The following ANAPC1 variants were observed in gnomAD, a reference collection of about 807,000 sequenced individuals.
ANAPC1 encodes anaphase-promoting complex subunit 1.
In ANAPC1, 36 loss-of-function variants were observed where a neutral mutation model predicts 208.0. The ratio of observed to expected loss-of-function variants is 0.17; its 90% CI spans 0.13 to 0.23. The LOEUF is 0.23. Among genes scored for constraint, ANAPC1 ranks in the 10% least tolerant of loss-of-function variants. The probability of loss-of-function intolerance (pLI) is 1.00; values close to 1 mark genes in which losing one functional copy is unlikely to be tolerated. For missense variants in ANAPC1, 942 were observed against 2,011.6 expected (o/e 0.47, Z 10.17); for synonymous variants, 378 against 695.2 (o/e 0.54, Z 7.18).
chr2:111,862,926 C>G (rs1682157706), intron 9 of ANAPC1, among the ~76,000 whole-genome samples: 1 of 151,710 alleles, frequency 6.6e-6, no homozygotes, highest in African/African-American at 2.4e-5. Flanking sequence ...TATTTATCAA[C>G]AAAACAATGT....
rs543076649 is a variant in ANAPC1, at chr2:111,797,742, T to C, written c.4297-2848A>G. 2.7e-3 allele frequency among the ~76,000 whole-genome samples: 393 copies of C among 144,890 alleles called. 4 individuals are homozygous for C. Among genetic ancestry groups the C allele is most frequent in the African/African-American group, 9.2e-3 (357 of 38,898 alleles). On this transcript the variant is annotated intron_variant, in intron 34 of 47. Coordinates refer to ENST00000341068, the MANE Select transcript of ANAPC1 (RefSeq NM_022662.4). ...GTAAATACCAGCAACTACTGATCTATGCATTTGTAACAAAAAACAGCTACA... is the reference window on the plus strand; with the variant it reads ...GTAAATACCAGCAACTACTGATCTACGCATTTGTAACAAAAAACAGCTACA...
chr2:111,874,892 G>A (rs1429545067), intron 3 of ANAPC1, among the ~76,000 whole-genome samples: 3 of 152,122 alleles, frequency 2.0e-5, no homozygotes, highest in Admixed American at 6.5e-5. Context: ...ATTCTAGCTC[G>A]CAGCAGCCTA....
At chr2:111,821,622 C>T in intron 25 of ANAPC1, 169 bp from the exon 26 acceptor site, 1 of 588,914 alleles carries the variant, frequency 1.7e-6, no homozygotes, top group Non-Finnish European at 3.0e-6. Flanking sequence ...CTCTAATCTA[C>T]AAATCTTTCT....
chr2:111,772,379 A>C lies in ANAPC1; in HGVS notation c.5681T>G (p.Val1894Gly). Residue 1894 changes from valine to glycine, a missense_variant, in exon 47 of 48, where the codon GTG (valine) becomes GGG (glycine). Val to Gly is a moderately radical substitution (Grantham distance 109). Coordinates refer to ENST00000341068, the MANE Select transcript of ANAPC1 (RefSeq NM_022662.4). ...AGGTGGCAGGTGCTGTGGAGCTGGC[A>C]CAGAGTGGTAGACGAGGAAGCAGGC... ...MLACFLVYHS[V>G]PAPQHLPPIG... 1 of 1,609,788 alleles carries C rather than the reference A, an allele frequency of 6.2e-7. No individual in the cohort carries two copies. Among genetic ancestry groups the C allele is most frequent in the South Asian group, 1.1e-5 (1 of 90,282 alleles).
At chr2:111,871,998 G>C (rs2311815) in intron 6 of ANAPC1, among the ~76,000 whole-genome samples, 2 of 152,274 alleles carry the variant, frequency 1.3e-5, no homozygotes, top group African/African-American at 2.4e-5. Flanking sequence ...TCACTTGCCT[G>C]ATTGCTCTGG....
At chr2:111,823,394 T>C (rs66739581) in intron 24 of ANAPC1, among the ~76,000 whole-genome samples, 33,759 of 151,786 alleles carry the variant, frequency 0.22, 3,966 homozygotes, top group Middle Eastern at 0.38. Context: ...TTGGTATGTA[T>C]AGGTCAATCC....
At chr2:111,867,702 AAAC>A (rs537712261) in intron 7 of ANAPC1, among the ~76,000 whole-genome samples, 6,681 of 144,148 alleles carry the variant, frequency 0.046, 208 homozygotes, top group Non-Finnish European at 0.066. Context: ...AAAAAAAAAA[AAAC>A]CCAAAACAAC....
chr2:111,835,449 G>C (rs775171658), intron 18 of ANAPC1, among the ~76,000 whole-genome samples: 1 of 152,148 alleles, frequency 6.6e-6, no homozygotes, highest in Non-Finnish European at 1.5e-5. Flanking sequence ...GCTATTTCCA[G>C]ATCTTGGAAT....
intron 24 of ANAPC1, among the ~76,000 whole-genome samples, chr2:111,823,307 G>A (rs952250523): frequency 3.3e-5 from 5 of 151,866 alleles, no homozygotes; most frequent in East Asian, 1.9e-4. Flanking sequence ...ATGAGCCACC[G>A]CGCCTGGCCC....
chr2:111,792,534 T>C lies in ANAPC1; in HGVS notation c.4540A>G (p.Thr1514Ala). The C allele has an allele frequency of 6.2e-7, 1 of 1,613,752 alleles. No homozygotes were observed. The highest frequency in any genetic ancestry group is 8.5e-7 in the Non-Finnish European group (1 of 1,179,820). Residue 1514 changes from threonine (T) to alanine (A), a missense_variant, in exon 38 of 48, where the codon ACT becomes GCT. By Grantham distance (58) the Thr-to-Ala change is moderately conservative (BLOSUM62 0). Coordinates refer to ENST00000341068, the MANE Select transcript of ANAPC1 (RefSeq NM_022662.4). The part of the protein sequence containing the change: ...ASVTGPHNLE[T>A]CLSVVLLSLA... ...GACAGCAGCACCACGCTCAGACAAG[T>C]TTCTAGGTTATGAGGACCTGTCTGT...
At chr2:111,837,553 G>C (rs866078648) in intron 18 of ANAPC1, among the ~76,000 whole-genome samples, 2 of 151,880 alleles carry the variant, frequency 1.3e-5, no homozygotes, top group Admixed American at 6.5e-5. Context: ...CCAGGAGGTG[G>C]AGAGCCGACA....
chr2:111,854,056 A>G (rs115319036), intron 13 of ANAPC1, among the ~76,000 whole-genome samples: 2,889 of 152,244 alleles, frequency 0.019, 79 homozygotes, highest in African/African-American at 0.066. Context: ...TCTCAGAGGA[A>G]TCACTATCTA....
intron 46 of ANAPC1, among the ~76,000 whole-genome samples, chr2:111,772,786 C>A (rs1282060208): frequency 6.6e-6 from 1 of 152,160 alleles, no homozygotes; most frequent in African/African-American, 2.4e-5. Flanking sequence ...CCTTGTCACA[C>A]CCTACCCTCC....
At chr2:111,880,504 T>C (rs35761978) in intron 2 of ANAPC1, 109 bp downstream of exon 2, 29 of 1,467,712 alleles carry the variant, frequency 2.0e-5, no homozygotes, top group Admixed American at 7.8e-5. Context: ...TTAACTCTAC[T>C]CTAGAAGTGG....
At chr2:111,793,052 C>T (rs1411989431) in intron 37 of ANAPC1, among the ~76,000 whole-genome samples, 9 of 152,166 alleles carry the variant, frequency 5.9e-5, no homozygotes, top group African/African-American at 2.2e-4. Flanking sequence ...ACATAACAAT[C>T]ACTTGGAATG....
At chr2:111,796,195 A>T (rs1305828481) in intron 34 of ANAPC1, among the ~76,000 whole-genome samples, 1 of 151,696 alleles carries the variant, frequency 6.6e-6, no homozygotes, top group Non-Finnish European at 1.5e-5. Flanking sequence ...ACTGCACTCC[A>T]GCCTGGGCAA....
intron 44 of ANAPC1, chr2:111,779,944 TAC>T (rs1326836340): frequency 3.8e-6 from 1 of 260,280 alleles, no homozygotes; most frequent in South Asian, 4.0e-5. Context: ...GGTTATAATA[TAC>T]AGAGGAAACA....
chr2:111,779,873 A>C, intron 44 of ANAPC1: 1 of 227,748 alleles, frequency 4.4e-6, no homozygotes. Flanking sequence ...AAAATAAAGA[A>C]AAATCTGCTA....
chr2:111,852,827 A>G (rs1267922893), intron 13 of ANAPC1, among the ~76,000 whole-genome samples: 1 of 151,730 alleles, frequency 6.6e-6, no homozygotes, highest in Non-Finnish European at 1.5e-5. Flanking sequence ...ACTCCTACAT[A>G]AAAAGTTTGC....
Sources: allele counts gnomAD v4.1 joint callset (sites outside exome capture counted in the v4.1 genomes callset), GRCh38; gene constraint gnomAD v4.1.1; transcripts MANE v1.5; gene names NCBI Gene and HGNC (gene_info 2026-07-23, HGNC 2026-07-21).